The following ATAD3B variants were observed in gnomAD, a reference collection of about 807,000 sequenced individuals.
The protein encoded by ATAD3B is ATPase family AAA domain-containing protein 3B.
ATAD3B carries 59 observed loss-of-function variants against 70.2 expected under a neutral mutation model. The ratio of observed to expected loss-of-function variants is 0.84; its 90% CI spans 0.68 to 1.04. ATAD3B has a LOEUF of 1.04. Ranked by LOEUF, ATAD3B falls within the 50% of genes least tolerant of loss-of-function variation. The pLI, the probability that ATAD3B is intolerant of heterozygous loss-of-function variation, is 0.00. For missense variants in ATAD3B, 961 were observed against 913.4 expected, an observed-to-expected ratio of 1.05 and a Z score of -0.67; for synonymous variants, 423 against 388.6, an observed-to-expected ratio of 1.09 and a Z score of -1.04.
chr1:1,480,973 C>T lies in ATAD3B; in HGVS notation c.514+37C>T, dbSNP rs746740876. ...GCTCTCCTGGCTGGGGCGGAGGTGG[C>T]GGGGGCTGCTTGTGGATCCGGCGTG... is the stretch of plus-strand genomic sequence containing the variant. On this transcript the variant is annotated intron_variant, in intron 5 of 15. Coordinates refer to ENST00000673477, the MANE Select transcript of ATAD3B (RefSeq NM_031921.6). 20 of 1,583,164 alleles carry T rather than the reference C, an allele frequency of 1.3e-5. 2 individuals are homozygous for T. Among genetic ancestry groups the T allele is most frequent in the African/African-American group, 1.5e-5 (1 of 67,314 alleles).
intron 5 of ATAD3B, 146 bp from the exon 6 acceptor site, chr1:1,481,992 G>A (rs1195409337): frequency 3.7e-5 from 50 of 1,369,624 alleles, no homozygotes; most frequent in Non-Finnish European, 4.5e-5. Flanking sequence ...TGTTGGTGGC[G>A]TGGGCCGGTC....
At chr1:1,493,609 A>G (rs1296022017) in intron 15 of ATAD3B, among the ~76,000 whole-genome samples, 6 of 151,646 alleles carry the variant, frequency 4.0e-5, no homozygotes, top group Non-Finnish European at 8.8e-5. Flanking sequence ...GAGCCACTGC[A>G]ACCGACCAGT....
intron 1 of ATAD3B, among the ~76,000 whole-genome samples, chr1:1,473,104 T>A (rs1037787595): frequency 6.8e-5 from 10 of 147,596 alleles, no homozygotes; most frequent in African/African-American, 2.5e-4. Context: ...ATTACAGGCC[T>A]GAGCCACAGC....
In ATAD3B at chr1:1,487,761, G is replaced by T. The variant is rs915300702; in HGVS notation, c.1215-102G>T. ...TCCTGATGGGGCAGAGCCTGACCCC[G>T]TGGGGATCTGCCTGCCTGGCCTGCT... On this transcript the variant is annotated intron_variant, in intron 11 of 15. Transcript: ENST00000673477. 27 of 1,427,318 alleles carry T rather than the reference G, an allele frequency of 1.9e-5. No homozygotes were observed. In the African/African-American group the frequency reaches 3.3e-4, roughly 18 times the overall value. 88.4% of individuals were successfully genotyped at this position (1,427,318 alleles called of 1,614,324 possible).
In ATAD3B at chr1:1,495,797, C is replaced by G. The variant is rs556462938; in HGVS notation, c.1927C>G (p.Pro643Ala). 321 of 1,590,832 alleles carry G rather than the reference C, an allele frequency of 2.0e-4. 2 individuals carry two copies. The South Asian group carries it at 3.4e-3, about 17-fold the overall frequency. Residue 643 changes from proline (P) to alanine (A), a missense_variant, in exon 16 of 16, where the codon CCA (proline) becomes GCA (alanine). By Grantham distance (27) the Pro-to-Ala change is conservative (BLOSUM62 -1). This residue lies in a region of ATAD3B where 417 missense variants were observed against 335.0 expected (regional missense o/e 1.24). Transcript: ENST00000673477. ...TGGTGGCGGTCGGCCGTTCTGCCCC[C>G]CAGGGCACCCCCTGTTGTAGGCACT... ...SCGGGRPFCP[P>A]GHPLL
intron 15 of ATAD3B, among the ~76,000 whole-genome samples, chr1:1,494,707 C>G (rs2100603059): frequency 6.6e-6 from 1 of 152,080 alleles, no homozygotes; most frequent in African/African-American, 2.4e-5. Flanking sequence ...TGAATCCTGC[C>G]TCTGGGAGGT....
chr1:1,491,994 T>C (rs945231845), intron 15 of ATAD3B, among the ~76,000 whole-genome samples: 3 of 151,848 alleles, frequency 2.0e-5, no homozygotes, highest in Non-Finnish European at 4.4e-5. Context: ...AGGACCAGCC[T>C]GGAAAGCAAG....
the ATAD3B span, among the ~76,000 whole-genome samples, chr1:1,508,953 G>C: frequency 6.6e-6 from 1 of 151,740 alleles, no homozygotes; most frequent in Admixed American, 6.5e-5. Context: ...GCTCCGCCTT[G>C]GGCTTTCTAT....
chr1:1,485,071 C>T lies in ATAD3B; in HGVS notation c.806C>T (p.Ala269Val), dbSNP rs1640130174. ...VGVYSAKNAT[A>V]VTGRFIEARL... Reference sequence around the variant, plus strand: ...GTCTACTCAGCCAAGAATGCGACAGCCGTCACTGGCCGCTTCATCGAGGCT... The same window carrying T: ...GTCTACTCAGCCAAGAATGCGACAGTCGTCACTGGCCGCTTCATCGAGGCT... Residue 269 changes from alanine (A) to valine (V), a missense_variant, in exon 8 of 16, where the codon GCC becomes GTC. Transcript: ENST00000673477. 1.2e-6 allele frequency: 2 copies of T among 1,608,080 alleles called. No homozygotes were observed. The highest frequency in any genetic ancestry group is 8.5e-7 in the Non-Finnish European group (1 of 1,178,398).
At chr1:1,490,528 G>T in intron 14 of ATAD3B, 35 bp from the exon 15 acceptor site, 3 of 1,610,978 alleles carry the variant, frequency 1.9e-6, no homozygotes, top group Non-Finnish European at 2.5e-6. Flanking sequence ...GGGGTCCGCG[G>T]CCTTGGCTGC....
chr1:1,487,210 G>A lies in ATAD3B; in HGVS notation c.1214+542G>A, dbSNP rs555546716. ...TTCACTTTAGAAGACCTGTCCCTGC[G>A]CCAGGCGTGGTGGCTCACGGCTGTA... On this transcript the variant is annotated intron_variant, in intron 11 of 15. Coordinates refer to ENST00000673477, the MANE Select transcript of ATAD3B (RefSeq NM_031921.6). Among the ~76,000 whole-genome samples, 10 of 151,414 alleles carry A rather than the reference G, an allele frequency of 6.6e-5. No homozygotes were observed. The East Asian group carries it at 1.6e-3, about 24-fold the overall frequency.
rs779627271 is a variant in ATAD3B at position 1,477,233 on chromosome 1, G to T, written c.206-41G>T. 4 of 1,608,502 alleles carry T rather than the reference G, an allele frequency of 2.5e-6. No homozygotes were observed. The South Asian group carries it at 3.3e-5, about 13-fold the overall frequency. ...CCATGTTGGCCAGGCTTTGGTATCC[G>T]TGTATCCTACACCTGCTCTCCGTGC... On this transcript the variant is annotated intron_variant, in intron 1 of 15. Transcript: ENST00000673477.
At chr1:1,491,732 C>T (rs1195720247) in intron 15 of ATAD3B, among the ~76,000 whole-genome samples, 4 of 151,910 alleles carry the variant, frequency 2.6e-5, no homozygotes, top group East Asian at 1.9e-4. Flanking sequence ...TTGATTTGAA[C>T]GTAGGAGCCG....
At chr1:1,498,118 T>C (rs1432929288), downstream of ATAD3B, among the ~76,000 whole-genome samples, 9 of 151,336 alleles carry the variant, frequency 5.9e-5, no homozygotes, top group African/African-American at 2.2e-4. Flanking sequence ...GCCCGGCCAA[T>C]GTGGTGAAAC....
intron 11 of ATAD3B, among the ~76,000 whole-genome samples, chr1:1,487,059 C>T (rs1378969138): frequency 2.0e-5 from 3 of 151,966 alleles, no homozygotes; most frequent in African/African-American, 7.3e-5. Context: ...CAGCATGGCA[C>T]ACTCCCTTCA....
chr1:1,487,183 C>T (rs1314542572), intron 11 of ATAD3B, among the ~76,000 whole-genome samples: 10 of 152,086 alleles, frequency 6.6e-5, no homozygotes, highest in South Asian at 2.1e-4. Flanking sequence ...GGCCTTTGAC[C>T]TTTCACTTTA....
intron 15 of ATAD3B, among the ~76,000 whole-genome samples, chr1:1,493,817 C>T (rs191255021): frequency 1.3e-5 from 2 of 151,764 alleles, no homozygotes; most frequent in Admixed American, 6.6e-5. Context: ...CTGCTAAATT[C>T]GTTTTGCTGG....
At chr1:1,485,322 G>A in intron 8 of ATAD3B, 151 bp downstream of exon 8, 4 of 1,334,518 alleles carry the variant, frequency 3.0e-6, no homozygotes, top group Non-Finnish European at 4.0e-6. Context: ...TTTCCTGTCT[G>A]GCGCTGTACC....
the ATAD3B span, among the ~76,000 whole-genome samples, chr1:1,504,717 CGT>C: frequency 6.6e-6 from 1 of 151,790 alleles, no homozygotes. Context: ...ACCACTGGGG[CGT>C]GTGTGCCCAC....
Sources: gnomAD v4.1 joint callset for allele counts (sites outside exome capture counted in the v4.1 genomes callset) on GRCh38, gnomAD v4.1.1 for gene constraint, gnomAD v4.1.1 regional missense constraint, MANE v1.5 for transcripts, NCBI Gene and HGNC (gene_info 2026-07-23, HGNC 2026-07-21) for gene names.